Variants in CSE1L observed in about 807,000 individuals in gnomAD.
The protein encoded by CSE1L is exportin-2.
Under a neutral mutation model 120.4 loss-of-function variants are expected in CSE1L, and 24 were observed. That is an observed-to-expected ratio of 0.20 (90% CI 0.14 to 0.28). The LOEUF (loss-of-function observed/expected upper bound fraction) is 0.28, where lower values mean the gene tolerates loss of function less well. Ranked by LOEUF, CSE1L falls within the 10% of genes least tolerant of loss-of-function variation. The probability of loss-of-function intolerance (pLI) is 1.00; values close to 1 mark genes in which losing one functional copy is unlikely to be tolerated. For synonymous variants in CSE1L, 402 were observed against 398.3 expected (o/e 1.01, Z -0.11); for missense variants, 830 against 1,145.2 (o/e 0.72, Z 3.97).
intron 10 of CSE1L, among the ~76,000 whole-genome samples, chr20:49,074,094 C>T (rs1349576108): frequency 6.6e-6 from 1 of 151,044 alleles, no homozygotes; most frequent in Non-Finnish European, 1.5e-5. Flanking sequence ...GCCTGTGGTC[C>T]CAGGTACTCA....
At position 49,047,564 on chromosome 20, in the gene CSE1L, CTTTTTTTT is replaced by C. The variant is rs59986218; in HGVS notation, c.-12+1162_-12+1169del. The stretch of plus-strand genomic sequence containing the variant: ...TCTTTTTCTTTTTCTTTTCTCTTTT[CTTTTTTTT>C]TTTTTTTTTTTTTTTTTTTTGAGAG... On this transcript the variant is annotated intron_variant, in intron 1 of 24. Transcript: ENST00000262982. Among the ~76,000 whole-genome samples the C allele has an allele frequency of 2.5e-3, 174 of 69,896 alleles. 1 individual carries two copies. Among genetic ancestry groups the C allele is most frequent in the African/African-American group, 9.8e-3 (127 of 12,978 alleles). The allele number at this position is 69,896 out of a possible 152,430, so 45.9% of individuals were successfully genotyped here. A position where few individuals can be genotyped will look rare whatever the true frequency, so the allele number is the denominator to read the frequency against.
intron 5 of CSE1L, 45 bp from the exon 6 acceptor site, chr20:49,067,145 A>AT: frequency 7.7e-7 from 1 of 1,303,244 alleles, no homozygotes; most frequent in Non-Finnish European, 1.1e-6. Context: ...AAGTGAGTAA[A>AT]TAAAAAAAAC....
chr20:49,049,242 G>A (rs62210387), intron 1 of CSE1L, among the ~76,000 whole-genome samples: 1 of 149,492 alleles, frequency 6.7e-6, no homozygotes, highest in Non-Finnish European at 1.5e-5. Context: ...TTTTTTTTTG[G>A]AGACACCATC....
Position 49,070,210 on chromosome 20 carries a change from C to A in CSE1L, c.681C>A (p.Leu227=). Residue 227 remains leucine (L), a synonymous_variant, in exon 8 of 25, where the codon CTC becomes CTA. Transcript: ENST00000262982. ...AGTCAGTGTTTATTCTGTAGGATCT[C>A]CCTGAATTTTTTGAAGATAATATGG... is the stretch of plus-strand genomic sequence containing the variant. ...KLFYSLNFQD[L]PEFFEDNMET... 1.4e-6 allele frequency: 2 copies of A among 1,408,486 alleles called. No homozygotes were observed. The highest frequency in any genetic ancestry group is 2.6e-5 in the South Asian group (2 of 77,608). The allele number at this position is 1,408,486 out of a possible 1,614,324, so 87.2% of individuals were successfully genotyped here. A position where few individuals can be genotyped will look rare whatever the true frequency, so the allele number is the denominator to read the frequency against.
intron 22 of CSE1L, among the ~76,000 whole-genome samples, chr20:49,093,715 G>A (rs911977597): frequency 3.3e-5 from 5 of 151,664 alleles, no homozygotes; most frequent in South Asian, 2.1e-4. Flanking sequence ...TCAGGAGTTC[G>A]AGATCAGCCT....
chr20:49,058,913 C>T (rs191227200), intron 2 of CSE1L, among the ~76,000 whole-genome samples: 1 of 152,042 alleles, frequency 6.6e-6, no homozygotes, highest in Non-Finnish European at 1.5e-5. Flanking sequence ...AGGCGGATCA[C>T]GAGGTCAGGA....
chr20:49,078,618 A>G lies in CSE1L; in HGVS notation c.1478A>G (p.Asn493Ser), dbSNP rs1218118943. The change falls in exon 14 of 25, where the codon AAT becomes AGT. Residue 493 changes from asparagine to serine, a missense_variant. Asn to Ser is a conservative substitution (Grantham distance 46). Coordinates refer to ENST00000262982, the MANE Select transcript of CSE1L (RefSeq NM_001316.4). ...ATCAAATATATTATGATTTTTAGAA[A>G]TCAAGTAAGTAGCTTTTTATTTGTT... ...DGIKYIMIFRNQVPKEHLLVS... is the reference protein window; with the variant it reads ...DGIKYIMIFRSQVPKEHLLVS... 6.4e-7 allele frequency: 1 copy of G among 1,557,436 alleles called. No individual in the cohort carries two copies. Among genetic ancestry groups the G allele is most frequent in the Non-Finnish European group, 8.7e-7 (1 of 1,146,514 alleles).
chr20:49,048,484 G>C (rs1272700549), intron 1 of CSE1L, among the ~76,000 whole-genome samples: 2 of 152,142 alleles, frequency 1.3e-5, no homozygotes, highest in African/African-American at 4.8e-5. Flanking sequence ...GATAATTTCA[G>C]ATAGTGACAG....
intron 1 of CSE1L, among the ~76,000 whole-genome samples, chr20:49,047,395 C>T (rs904117539): frequency 5.9e-5 from 9 of 152,024 alleles, no homozygotes; most frequent in African/African-American, 1.9e-4. Context: ...TCTGTTTCTT[C>T]CATATTCCAG....
At chr20:49,070,433 A>C (rs1259984546) in intron 8 of CSE1L, 136 bp downstream of exon 8, 7 of 548,948 alleles carry the variant, frequency 1.3e-5, no homozygotes, top group Non-Finnish European at 1.9e-5. Flanking sequence ...ATTCTATTTG[A>C]TGTTACATGT....
At chr20:49,068,965 C>A in intron 7 of CSE1L, 143 bp downstream of exon 7, 1 of 620,960 alleles carries the variant, frequency 1.6e-6, no homozygotes, top group Non-Finnish European at 2.8e-6. Context: ...CTATAGTGTT[C>A]TGTTCTACAG....
intron 16 of CSE1L, among the ~76,000 whole-genome samples, chr20:49,087,355 T>TC (rs1159716795): frequency 1.4e-4 from 20 of 145,514 alleles, no homozygotes; most frequent in African/African-American, 4.3e-4. Context: ...CTTTTTCTTT[T>TC]TTTTTTTTTT....
chr20:49,055,769 T>C (rs1222689942), intron 1 of CSE1L, among the ~76,000 whole-genome samples: 7 of 152,150 alleles, frequency 4.6e-5, no homozygotes, highest in Non-Finnish European at 1.0e-4. Flanking sequence ...ATAATAGATA[T>C]GTGATTGTAA....
intron 1 of CSE1L, among the ~76,000 whole-genome samples, chr20:49,055,314 AAGGGTATAT>A (rs1241881989): frequency 1.3e-5 from 2 of 152,190 alleles, no homozygotes; most frequent in Non-Finnish European, 2.9e-5. Flanking sequence ...CACTTTAGTA[AAGGGTATAT>A]AGGCCTGTAC....
Position 49,072,277 on chromosome 20 carries a change from T to C in CSE1L, c.769-9T>C. The C allele has an allele frequency of 1.2e-6, 2 of 1,612,552 alleles. No individual in the cohort carries two copies. Among genetic ancestry groups the C allele is most frequent in the Non-Finnish European group, 8.5e-7 (1 of 1,179,388 alleles). On this transcript the variant is annotated splice_polypyrimidine_tract_variant and intron_variant, in intron 8 of 24. Coordinates refer to ENST00000262982, the MANE Select transcript of CSE1L (RefSeq NM_001316.4). Reference sequence around the variant, plus strand: ...TGTATGTTGGAGTTTTTGTTTTCTTTTATGTGAGGATGAAGAGGAAGCCGG... The same window carrying C: ...TGTATGTTGGAGTTTTTGTTTTCTTCTATGTGAGGATGAAGAGGAAGCCGG...
intron 14 of CSE1L, among the ~76,000 whole-genome samples, chr20:49,083,533 G>A (rs572224522): frequency 3.9e-5 from 6 of 152,196 alleles, no homozygotes; most frequent in African/African-American, 1.4e-4. Context: ...CTGAAGTATT[G>A]GGATTATAGA....
rs866694921 is a variant in CSE1L, at chr20:49,088,050, C to T, written c.1765C>T (p.Pro589Ser). ...SFSLLQEAIIPYIPTLITQLT... is the reference protein window; with the variant it reads ...SFSLLQEAIISYIPTLITQLT... ...TTCTCTCCTACAAGAAGCCATAATC[C>T]CCTACATCCCTACTCTCATCACTCA... Residue 589 changes from proline (P) to serine (S), a missense_variant, in exon 17 of 25, where the codon CCC becomes TCC. By Grantham distance (74) the Pro-to-Ser change is moderately conservative. Around this residue, in one of 4 missense-constraint regions of CSE1L, gnomAD observed 168 missense variants for 267.9 expected, o/e 0.63. Coordinates refer to ENST00000262982, the MANE Select transcript of CSE1L (RefSeq NM_001316.4). 5 of 1,612,230 alleles carry T rather than the reference C, an allele frequency of 3.1e-6. No homozygotes were observed. In the African/African-American group the frequency reaches 4.0e-5, roughly 13 times the overall value.
rs1239656357 is a variant in CSE1L at position 49,084,028 on chromosome 20, G to A, written c.1485G>A (p.Val495=). The A allele has an allele frequency of 2.5e-6, 4 of 1,612,420 alleles. No homozygotes were observed. In the African/African-American group the frequency reaches 4.0e-5, roughly 16 times the overall value. Residue 495 remains valine (V), a splice_region_variant and synonymous_variant, in exon 15 of 25, where the codon GTG becomes GTA. Transcript: ENST00000262982. ...ATGTATATTATTGTGTTTTTTAGGT[G>A]CCAAAAGAACATCTTTTAGTCTCGA... is the stretch of plus-strand genomic sequence containing the variant. ...IKYIMIFRNQ[V]PKEHLLVSIP...
chr20:49,090,631 A>C, intron 19 of CSE1L, 111 bp from the exon 20 acceptor site: 1 of 791,234 alleles, frequency 1.3e-6, no homozygotes, highest in South Asian at 1.6e-5. Flanking sequence ...AATTAAAGAG[A>C]AAAGGATAGA....
Sources: allele counts gnomAD v4.1 joint callset (sites outside exome capture counted in the v4.1 genomes callset), GRCh38; gene constraint gnomAD v4.1.1; regional missense constraint gnomAD v4.1.1; transcripts MANE v1.5; gene names NCBI Gene and HGNC (gene_info 2026-07-23, HGNC 2026-07-21).